The following NFIB variants were observed in gnomAD, a reference collection of about 807,000 sequenced individuals.
The protein encoded by NFIB is nuclear factor I B.
In NFIB, 11 loss-of-function variants were observed where a neutral mutation model predicts 61.5. The ratio of observed to expected loss-of-function variants is 0.18; its 90% CI spans 0.11 to 0.30. The LOEUF (loss-of-function observed/expected upper bound fraction) is 0.30, where lower values mean the gene tolerates loss of function less well. Ranked by LOEUF, NFIB falls within the 10% of genes least tolerant of loss-of-function variation. The pLI is 1.00. For synonymous variants in NFIB, 260 were observed against 216.5 expected (o/e 1.20, Z -1.76); for missense variants, 471 against 608.9 (o/e 0.77, Z 2.38).
At chr9:14,525,453 A>G in the NFIB span, among the ~76,000 whole-genome samples, 1 of 152,114 alleles carries the variant, frequency 6.6e-6, no homozygotes, top group Non-Finnish European at 1.5e-5. Flanking sequence ...CTCCCCTGTA[A>G]AGTGGTTCTG....
chr9:14,108,822 A>G lies in NFIB; in HGVS notation c.1467+4177T>C, dbSNP rs535495074. On this transcript the variant is annotated intron_variant, in intron 10 of 10. Transcript: ENST00000380953. ...TTAGGGAAGGCAAAAGTGAGCTCCT[A>G]ATTTATTCAGTTGAAATCTCAAATA... 7.9e-5 allele frequency among the ~76,000 whole-genome samples: 12 copies of G among 152,194 alleles called. No individual in the cohort carries two copies. The South Asian group carries it at 2.5e-3, about 32-fold the overall frequency.
At chr9:14,271,356 T>G (rs966726647) in intron 2 of NFIB, among the ~76,000 whole-genome samples, 1 of 152,048 alleles carries the variant, frequency 6.6e-6, no homozygotes, top group African/African-American at 2.4e-5. Flanking sequence ...GTACTGTTTA[T>G]TCTATGTGAA....
chr9:14,406,984 A>T, the NFIB span, among the ~76,000 whole-genome samples: 4 of 152,230 alleles, frequency 2.6e-5, no homozygotes, highest in Non-Finnish European at 5.9e-5. Flanking sequence ...CAGAGATTGC[A>T]TCAGTATTAA....
chr9:14,429,594 T>A, the NFIB span, among the ~76,000 whole-genome samples: 214 of 152,262 alleles, frequency 1.4e-3, 2 homozygotes, highest in African/African-American at 4.9e-3. Flanking sequence ...AGGGAAGAAA[T>A]AGTCCCTTCA....
At chr9:14,160,510 G>A (rs1298393451) in intron 3 of NFIB, among the ~76,000 whole-genome samples, 1 of 152,082 alleles carries the variant, frequency 6.6e-6, no homozygotes, top group African/African-American at 2.4e-5. Flanking sequence ...GACTATTAAT[G>A]TAGATGGTGG....
chr9:14,492,889 G>T, the NFIB span, among the ~76,000 whole-genome samples: 2 of 152,212 alleles, frequency 1.3e-5, no homozygotes, highest in Admixed American at 1.3e-4. Flanking sequence ...GGTCAGTTCT[G>T]AGTTGAAATC....
At chr9:14,188,366 T>C (rs2047602669) in intron 2 of NFIB, among the ~76,000 whole-genome samples, 1 of 152,096 alleles carries the variant, frequency 6.6e-6, no homozygotes, top group Admixed American at 6.6e-5. Flanking sequence ...AAAATATACA[T>C]TAAATGCACC....
At chr9:14,248,936 T>G (rs1329394298) in intron 2 of NFIB, among the ~76,000 whole-genome samples, 1 of 152,214 alleles carries the variant, frequency 6.6e-6, no homozygotes, top group Non-Finnish European at 1.5e-5. Flanking sequence ...ACATTCCCAG[T>G]TACATCATTT....
chr9:14,233,361 T>G (rs563103453), intron 2 of NFIB, among the ~76,000 whole-genome samples: 1 of 152,022 alleles, frequency 6.6e-6, no homozygotes, highest in South Asian at 2.1e-4. Flanking sequence ...ATCTAACAAT[T>G]TAACCATAAA....
chr9:14,219,928 C>T (rs1290890042), intron 2 of NFIB, among the ~76,000 whole-genome samples: 1 of 152,148 alleles, frequency 6.6e-6, no homozygotes, highest in Non-Finnish European at 1.5e-5. Context: ...AAGCTTCCAT[C>T]CCTGGGAAAA....
chr9:14,512,893 G>A, the NFIB span, among the ~76,000 whole-genome samples: 150 of 116,648 alleles, frequency 1.3e-3, 1 homozygote, highest in Middle Eastern at 7.7e-3. Flanking sequence ...TTGAAACTTC[G>A]AAAGAATTTT....
intron 6 of NFIB, among the ~76,000 whole-genome samples, chr9:14,141,620 T>C (rs1443129989): frequency 1.3e-5 from 2 of 152,158 alleles, no homozygotes; most frequent in South Asian, 2.1e-4. Flanking sequence ...CCAATGCCTA[T>C]AAAAATTCCT....
chr9:14,464,911 T>C, the NFIB span, among the ~76,000 whole-genome samples: 2,225 of 152,220 alleles, frequency 0.015, 53 homozygotes, highest in African/African-American at 0.051. Context: ...AATGAGTTAA[T>C]GAATGTGACA....
intron 6 of NFIB, among the ~76,000 whole-genome samples, chr9:14,142,850 C>T (rs1462137813): frequency 1.3e-5 from 2 of 152,054 alleles, no homozygotes; most frequent in East Asian, 3.9e-4. Flanking sequence ...CCAGGATTTA[C>T]AGAAGAGACT....
At chr9:14,306,123 T>C (rs983071730) in intron 2 of NFIB, 2 of 396,628 alleles carry the variant, frequency 5.0e-6, no homozygotes, top group East Asian at 4.2e-5. Flanking sequence ...GTAAAATGTA[T>C]ACCATTCTCC....
intron 1 of NFIB, among the ~76,000 whole-genome samples, chr9:14,395,793 C>T (rs1441599155): frequency 8.3e-6 from 1 of 120,180 alleles, no homozygotes; most frequent in Non-Finnish European, 1.6e-5. Flanking sequence ...CATTTGGTGA[C>T]ATCACAGATA....
chr9:14,229,389 GTACTTC>G (rs2052838781), intron 2 of NFIB, among the ~76,000 whole-genome samples: 1 of 152,134 alleles, frequency 6.6e-6, no homozygotes, highest in African/African-American at 2.4e-5. Context: ...GGGAGATCAA[GTACTTC>G]TACAATAAAT....
intron 2 of NFIB, among the ~76,000 whole-genome samples, chr9:14,237,841 C>CTG (rs1563932702): frequency 0.052 from 1,350 of 25,998 alleles, 243 homozygotes; most frequent in Admixed American, 0.14. Flanking sequence ...CTAGGTATAA[C>CTG]AGTGTGTGTG....
At chr9:14,097,778 A>G (rs1175311071) in intron 10 of NFIB, among the ~76,000 whole-genome samples, 1 of 152,080 alleles carries the variant, frequency 6.6e-6, no homozygotes, top group African/African-American at 2.4e-5. Context: ...GAACAAAGCA[A>G]GGAAAATGGC....
Sources: gnomAD v4.1 joint callset for allele counts (sites outside exome capture counted in the v4.1 genomes callset) on GRCh38, gnomAD v4.1.1 for gene constraint, MANE v1.5 for transcripts, NCBI Gene and HGNC (gene_info 2026-07-23, HGNC 2026-07-21) for gene names.